BTK: variants seen among roughly 807,000 people sequenced by gnomAD.
BTK encodes Bruton tyrosine kinase.
BTK carries 5 observed loss-of-function variants against 57.4 expected under a neutral mutation model. The ratio of observed to expected loss-of-function variants is 0.09; its 90% CI spans 0.05 to 0.18. The LOEUF is 0.18. Ranked by LOEUF, BTK falls within the 10% of genes least tolerant of loss-of-function variation. The pLI is 1.00. For missense variants in BTK, 194 were observed against 501.2 expected (o/e 0.39, Z 5.85); for synonymous variants, 154 against 174.3 (o/e 0.88, Z 0.92).
chrX:101,368,964 T>C (rs1472570055), intron 5 of BTK, among the ~76,000 whole-genome samples: 3 of 112,296 alleles, frequency 2.7e-5, no homozygotes, highest in African/African-American at 9.7e-5. Flanking sequence ...CAGTCTGCCA[T>C]CCTTCCTGTT....
chrX:101,364,826 C>T (rs782525578), intron 5 of BTK, among the ~76,000 whole-genome samples: 1 of 110,548 alleles, frequency 9.0e-6, no homozygotes, highest in Non-Finnish European at 1.9e-5. Context: ...ACTGTAACCT[C>T]CACCTCCTGG....
chrX:101,375,441 T>A, intron 1 of BTK, 127 bp from the exon 2 acceptor site: 1 of 648,314 alleles, frequency 1.5e-6, no homozygotes, highest in African/African-American at 2.2e-5. Flanking sequence ...AATTTCTTCC[T>A]ACCAACCTCC....
At chrX:101,357,012 T>C in intron 13 of BTK, 57 bp from the exon 14 acceptor site, 2 of 1,152,252 alleles carry the variant, frequency 1.7e-6, no homozygotes, top group Non-Finnish European at 2.4e-6. Flanking sequence ...ATTCTTACAA[T>C]AGACAAAAAT....
rs373139858 is a variant in BTK at position 101,358,777 on chromosome X, A to T, written c.895-81T>A. The T allele has an allele frequency of 5.0e-6, 4 of 796,093 alleles. No individual in the cohort carries two copies. The African/African-American group carries it at 8.1e-5, about 16-fold the overall frequency. The allele number at this position is 796,093 out of a possible 1,213,427, so 65.6% of individuals were successfully genotyped here. The stretch of plus-strand genomic sequence containing the variant: ...CCCACCTGCCCAAACTTGAGAGAGA[A>T]AATAGAACAACCCCTGATTTTACTG... On this transcript the variant is annotated intron_variant, in intron 10 of 18. Transcript: ENST00000308731.
chrX:101,378,428 A>C (rs782453690), intron 1 of BTK, among the ~76,000 whole-genome samples: 26 of 110,173 alleles, frequency 2.4e-4, no homozygotes, highest in Non-Finnish European at 4.7e-4. Context: ...TAGCCTACAG[A>C]GTCGGTTTGA....
intron 5 of BTK, among the ~76,000 whole-genome samples, chrX:101,364,515 G>A (rs1306415415): frequency 1.8e-5 from 2 of 109,416 alleles, no homozygotes; most frequent in African/African-American, 6.6e-5. Flanking sequence ...AAGCCTAAAA[G>A]CTGCTAGTAG....
At chrX:101,355,912 C>G (rs782500902) in intron 15 of BTK, 140 bp downstream of exon 15, 1 of 644,256 alleles carries the variant, frequency 1.6e-6, no homozygotes, top group African/African-American at 2.2e-5. Flanking sequence ...GGGGCAGAGG[C>G]ACGCCTAACT....
At chrX:101,356,551 C>T (rs1227807471) in intron 14 of BTK, 2 of 451,045 alleles carry the variant, frequency 4.4e-6, no homozygotes, top group African/African-American at 4.9e-5. Context: ...CTACATCTAC[C>T]CCCAAATGCT....
chrX:101,382,521 T>C (rs1473602324), intron 1 of BTK, among the ~76,000 whole-genome samples: 1 of 110,284 alleles, frequency 9.1e-6, no homozygotes, highest in Non-Finnish European at 1.9e-5. Flanking sequence ...GATTACAGGC[T>C]TGAGCCACCG....
intron 13 of BTK, 70 bp downstream of exon 13, chrX:101,357,439 A>G: frequency 1.0e-6 from 1 of 996,650 alleles, no homozygotes; most frequent in Non-Finnish European, 1.4e-6. Context: ...GACACTCCCT[A>G]AGGCAAGGCC....
intron 1 of BTK, among the ~76,000 whole-genome samples, chrX:101,385,168 G>A (rs1394370506): frequency 1.8e-5 from 2 of 111,505 alleles, no homozygotes; most frequent in African/African-American, 3.3e-5. Flanking sequence ...AATGCAATTC[G>A]GCAATTATTT....
chrX:101,381,058 A>G (rs1178687746), intron 1 of BTK, among the ~76,000 whole-genome samples: 3 of 106,944 alleles, frequency 2.8e-5, no homozygotes, highest in Non-Finnish European at 3.9e-5. Context: ...TATGGTACAC[A>G]TTCTCCAGCA....
At chrX:101,351,040 G>A (rs1489492511) in intron 18 of BTK, among the ~76,000 whole-genome samples, 1 of 111,745 alleles carries the variant, frequency 8.9e-6, no homozygotes, top group African/African-American at 3.3e-5. Flanking sequence ...CTGTCACTCA[G>A]GCCAGAGTGC....
chrX:101,354,774 A>AGCTT, intron 15 of BTK, 80 bp from the exon 16 acceptor site: 1 of 992,523 alleles, frequency 1.0e-6, no homozygotes. Flanking sequence ...GACCAGTAGA[A>AGCTT]TGAAGCCAGG....
chrX:101,370,040 T>C lies in BTK; in HGVS notation c.349A>G (p.Thr117Ala). ...ATCCACCGCTTCCTTAGTTCTTCAG[T>C]TGGGGAGAAGACGTAGAGAGGCCCT... ...DEGPLYVFSPTEELRKRWIHQ... is the reference protein window; with the variant it reads ...DEGPLYVFSPAEELRKRWIHQ... The change falls in exon 5 of 19, where the codon ACT (threonine) becomes GCT (alanine). Residue 117 changes from threonine (T) to alanine (A), a missense_variant. By Grantham distance (58) the Thr-to-Ala change is moderately conservative (BLOSUM62 0). Coordinates refer to ENST00000308731, the MANE Select transcript of BTK (RefSeq NM_000061.3). The C allele has an allele frequency of 1.7e-6, 2 of 1,211,289 alleles. No individual in the cohort carries two copies. The highest frequency in any genetic ancestry group is 1.1e-6 in the Non-Finnish European group (1 of 895,092).
chrX:101,355,871 G>C, intron 15 of BTK, 181 bp downstream of exon 15: 1 of 507,839 alleles, frequency 2.0e-6, no homozygotes, highest in Non-Finnish European at 3.5e-6. Flanking sequence ...TCATGGAGCT[G>C]AGGCTGGAGA....
At chrX:101,372,533 C>G (rs781807540) in intron 3 of BTK, among the ~76,000 whole-genome samples, 73 of 109,428 alleles carry the variant, frequency 6.7e-4, no homozygotes, top group Non-Finnish European at 1.3e-3. Flanking sequence ...ACTGCAACCT[C>G]CGCCTCCTGG....
intron 10 of BTK, 132 bp from the exon 11 acceptor site, chrX:101,358,828 C>T: frequency 1.8e-6 from 1 of 570,185 alleles, no homozygotes; most frequent in Non-Finnish European, 3.1e-6. Context: ...GAGCTACAGC[C>T]TCATTGCTTT....
chrX:101,367,508 C>T (rs1304898752), intron 5 of BTK, among the ~76,000 whole-genome samples: 2 of 107,885 alleles, frequency 1.9e-5, no homozygotes, highest in Admixed American at 2.0e-4. Flanking sequence ...TGGTGGCAGG[C>T]GCCTGTCATC....
Sources: gnomAD v4.1 joint callset for allele counts (sites outside exome capture counted in the v4.1 genomes callset) on GRCh38, gnomAD v4.1.1 for gene constraint, MANE v1.5 for transcripts, NCBI Gene and HGNC (gene_info 2026-07-23, HGNC 2026-07-21) for gene names.